The following DNAH10 variants were observed in gnomAD, a reference collection of about 807,000 sequenced individuals.
The protein encoded by DNAH10 is axonemal beta dynein heavy chain 10.
In DNAH10, 348 loss-of-function variants were observed where a neutral mutation model predicts 506.6. The observed-to-expected ratio is 0.69, with a 90% CI of 0.63 to 0.75. DNAH10 has a LOEUF of 0.75. DNAH10 is among the 30% of genes least tolerant of loss of function. The probability of loss-of-function intolerance (pLI) is 0.00; values close to 1 mark genes in which losing one functional copy is unlikely to be tolerated. For synonymous variants in DNAH10, 2,059 were observed against 2,198.6 expected (o/e 0.94, Z 1.78); for missense variants, 5,179 against 5,787.1 (o/e 0.89, Z 3.41).
Position 123,851,057 on chromosome 12 carries a change from A to C in DNAH10, c.6272A>C (p.Glu2091Ala). 6.2e-7 allele frequency: 1 copy of C among 1,605,294 alleles called. No individual in the cohort carries two copies. The highest frequency in any genetic ancestry group is 8.5e-7 in the Non-Finnish European group (1 of 1,173,776). ...QQICEIMLFS[E>A]GFLEAKTLAK... ...ATCTGTGAGATCATGCTCTTCTCTGAGGGCTTCCTGGAGGCCAAGGTGGGG... is the reference window on the plus strand; with the variant it reads ...ATCTGTGAGATCATGCTCTTCTCTGCGGGCTTCCTGGAGGCCAAGGTGGGG... Residue 2091 changes from glutamate (E) to alanine (A), a missense_variant, in exon 35 of 79, where the codon GAG becomes GCG. This residue lies in a region of DNAH10 where 4,844 missense variants were observed against 5,430.5 expected (regional missense o/e 0.89). Transcript: ENST00000673944.
chr12:123,769,562 C>T (rs1222957834), intron 2 of DNAH10, among the ~76,000 whole-genome samples: 1 of 152,110 alleles, frequency 6.6e-6, no homozygotes. Context: ...CTCTCGGCTT[C>T]GGAGCCCAGT....
rs11837809 is a variant in DNAH10, at chr12:123,827,865, A to G, written c.4391+967A>G. On this transcript the variant is annotated intron_variant, in intron 25 of 78. Coordinates refer to ENST00000673944, the MANE Select transcript of DNAH10 (RefSeq NM_001372106.1). ...GACGTGGAGTCTTAGCCCTCTTTTC[A>G]CTGTCTGCTGGCTTCCCTGGAGCAC... 1.7e-3 allele frequency among the ~76,000 whole-genome samples: 255 copies of G among 152,000 alleles called. 2 individuals are homozygous for G. The highest frequency in any genetic ancestry group is 5.8e-3 in the African/African-American group (239 of 41,450).
chr12:123,870,125 G>A lies in DNAH10; in HGVS notation c.7520-241G>A, dbSNP rs553504028. Among the ~76,000 whole-genome samples, 3 of 152,350 alleles carry A rather than the reference G, an allele frequency of 2.0e-5. No homozygotes were observed. The South Asian group carries it at 6.2e-4, about 32-fold the overall frequency. On this transcript the variant is annotated intron_variant, in intron 43 of 78. Transcript: ENST00000673944. ...CAGAAAGTGCCTGACAAGTGCACAA[G>A]TCACATTAGTGACTGTCCCGTGAAC...
At chr12:123,908,102 C>CCTGTCTCCTCCCTGTCTCT (rs1566082847) in intron 57 of DNAH10, among the ~76,000 whole-genome samples, 19 of 108,290 alleles carry the variant, frequency 1.8e-4, no homozygotes, top group East Asian at 9.1e-4. Context: ...TCCCTGTCTC[C>CCTGTCTCCTCCCTGTCTCT]CTGTCTCCTC....
At chr12:123,832,611 A>G (rs374561759) in intron 26 of DNAH10, among the ~76,000 whole-genome samples, 3 of 151,996 alleles carry the variant, frequency 2.0e-5, no homozygotes, top group African/African-American at 7.3e-5. Context: ...CTAAAGTATT[A>G]GGATTACAGG....
intron 57 of DNAH10, chr12:123,908,213 C>G (rs1953896821): frequency 2.5e-6 from 1 of 404,794 alleles, no homozygotes; most frequent in Non-Finnish European, 5.0e-6. Flanking sequence ...CCCTCCCTGT[C>G]TCCTCCCTGT....
chr12:123,765,758 T>C (rs530491434), intron 1 of DNAH10, among the ~76,000 whole-genome samples: 1 of 152,172 alleles, frequency 6.6e-6, no homozygotes, highest in African/African-American at 2.4e-5. Context: ...TCTACCAATC[T>C]ACCTACCTAC....
Position 123,787,786 on chromosome 12 carries a change from C to T in DNAH10, c.1422-18C>T, listed in dbSNP as rs747741367. On this transcript the variant is annotated intron_variant, in intron 9 of 78. Transcript: ENST00000673944. This position sits in a 1 kb window ranked among gnomAD's most constrained non-coding sequence, Gnocchi z 4.6. ...GAGCTCCGCCCTCCTCCCATCACGG[C>T]ATCTCTTGGCTTCGCAGAGAAAATC... is the stretch of plus-strand genomic sequence containing the variant. 15 of 1,609,820 alleles carry T rather than the reference C, an allele frequency of 9.3e-6. No individual in the cohort carries two copies. The South Asian group carries it at 1.7e-4, about 18-fold the overall frequency.
chr12:123,800,192 G>T (rs367921949), intron 14 of DNAH10, 24 bp from the exon 15 acceptor site: 138 of 1,609,866 alleles, frequency 8.6e-5, no homozygotes, highest in Non-Finnish European at 1.1e-4. Flanking sequence ...CCCTGGCCGC[G>T]CTGATGGAAT....
chr12:123,888,772 G>A (rs1952850100), intron 52 of DNAH10, among the ~76,000 whole-genome samples: 1 of 152,180 alleles, frequency 6.6e-6, no homozygotes, highest in Non-Finnish European at 1.5e-5. Context: ...GGAAGGCACT[G>A]AGGTGAGACT....
intron 24 of DNAH10, among the ~76,000 whole-genome samples, chr12:123,825,279 CA>C (rs2136450800): frequency 6.6e-6 from 1 of 152,250 alleles, no homozygotes; most frequent in Non-Finnish European, 1.5e-5. Context: ...GGAGCGAGTC[CA>C]AGGTGTTTAC....
intron 52 of DNAH10, among the ~76,000 whole-genome samples, chr12:123,890,594 T>A (rs775587063): frequency 6.6e-6 from 1 of 152,156 alleles, no homozygotes; most frequent in Non-Finnish European, 1.5e-5. Flanking sequence ...CCAAGATTTA[T>A]GTTTCTAAAA....
At chr12:123,766,132 ATCTC>A (rs1957039921) in intron 1 of DNAH10, among the ~76,000 whole-genome samples, 1 of 149,230 alleles carries the variant, frequency 6.7e-6, no homozygotes, top group Non-Finnish European at 1.5e-5. Context: ...CTATACATCT[ATCTC>A]CTGTCTACCT....
intron 12 of DNAH10, among the ~76,000 whole-genome samples, chr12:123,794,914 G>A (rs1405882276): frequency 1.3e-5 from 2 of 151,342 alleles, no homozygotes; most frequent in African/African-American, 4.9e-5. Context: ...TGGGGAGGCC[G>A]AGGCAGGTGG....
intron 37 of DNAH10, among the ~76,000 whole-genome samples, 154 bp downstream of exon 37, chr12:123,857,401 A>G (rs1192720905): frequency 2.6e-5 from 4 of 152,232 alleles, no homozygotes; most frequent in Non-Finnish European, 5.9e-5. Flanking sequence ...TAAAATACAC[A>G]TAACAATATT....
chr12:123,813,870 C>T lies in DNAH10; in HGVS notation c.3738C>T (p.Asp1246=), dbSNP rs377290216. The part of the protein sequence containing the change: ...KSLVMELRYR[D]VQERYRTMAM... ...TAGTCATGGAACTCAGATATAGGGA[C>T]GTCCAGGAGCGATACCGTACCATGG... Residue 1246 remains aspartate, a synonymous_variant, in exon 21 of 79, where the codon GAC becomes GAT. Coordinates refer to ENST00000673944, the MANE Select transcript of DNAH10 (RefSeq NM_001372106.1). 4.2e-5 allele frequency: 67 copies of T among 1,610,426 alleles called. No homozygotes were observed. Among genetic ancestry groups the T allele is most frequent in the Admixed American group, 6.8e-5 (4 of 58,772 alleles).
Position 123,879,277 on chromosome 12 carries a change from GC to G in DNAH10, c.8389del (p.Gln2797ArgfsTer3). On this transcript the variant is annotated frameshift_variant, in exon 49 of 79. Transcript: ENST00000673944. LOFTEE classifies it high-confidence loss of function. ...LTNPERFQTV[A>X]QMVRVWRNEC... is the part of the protein sequence containing the mutation. ...TCCATTCTGCAGATTCCAGACGGTG[GC>G]CCAGATGGTGAGAGTCTGGAGGAAT... is the stretch of plus-strand genomic sequence containing the variant. 1 of 1,575,884 alleles carries G rather than the reference GC, an allele frequency of 6.3e-7. No individual in the cohort carries two copies. Among genetic ancestry groups the G allele is most frequent in the East Asian group, 2.3e-5 (1 of 43,022 alleles).
chr12:123,905,798 A>G (rs183438591), intron 57 of DNAH10, among the ~76,000 whole-genome samples: 2 of 152,070 alleles, frequency 1.3e-5, no homozygotes, highest in African/African-American at 4.8e-5. Context: ...CCATAAGGTG[A>G]GTTGCAAATC....
In DNAH10 at chr12:123,898,636, G is replaced by C. The variant is rs562250806; in HGVS notation, c.9479-17G>C. The C allele has an allele frequency of 1.3e-6, 2 of 1,510,266 alleles. No homozygotes were observed. The highest frequency in any genetic ancestry group is 1.8e-6 in the Non-Finnish European group (2 of 1,125,408). 93.6% of individuals were successfully genotyped at this position (1,510,266 alleles called of 1,614,324 possible). Reference sequence around the variant, plus strand: ...GTGGCCACCTCGACGATGAACATAGGTGCCCTCTTTCCTCAGCTCAGTGCA... The same window carrying C: ...GTGGCCACCTCGACGATGAACATAGCTGCCCTCTTTCCTCAGCTCAGTGCA... On this transcript the variant is annotated splice_polypyrimidine_tract_variant and intron_variant, in intron 55 of 78. Transcript: ENST00000673944.
Sources: gnomAD v4.1 joint callset for allele counts (sites outside exome capture counted in the v4.1 genomes callset) on GRCh38, gnomAD v4.1.1 for gene constraint, gnomAD v4.1.1 regional missense constraint, Gnocchi (gnomAD v3.1) non-coding constraint, MANE v1.5 for transcripts, NCBI Gene and HGNC (gene_info 2026-07-23, HGNC 2026-07-21) for gene names.